Variants in CACNA1E observed in about 807,000 individuals in gnomAD.
CACNA1E encodes the protein calcium voltage-gated channel subunit alpha1 E.
A neutral mutation model predicts 259.2 loss-of-function variants in CACNA1E; 40 were observed. The ratio of observed to expected loss-of-function variants is 0.15; its 90% CI spans 0.12 to 0.20. The LOEUF is 0.20. Ranked by LOEUF, CACNA1E falls within the 10% of genes least tolerant of loss-of-function variation. The pLI, the probability that CACNA1E is intolerant of heterozygous loss-of-function variation, is 1.00. For synonymous variants in CACNA1E, 1,104 were observed against 1,138.5 expected (o/e 0.97, Z 0.61); for missense variants, 1,874 against 3,040.1 (o/e 0.62, Z 9.02).
Position 181,323,473 on chromosome 1 carries a change from G to A in CACNA1E, c.-15+5350G>A, listed in dbSNP as rs74127719. 8.0e-3 allele frequency among the ~76,000 whole-genome samples: 1,219 copies of A among 152,240 alleles called. 20 individuals carry two copies. Among genetic ancestry groups the A allele is most frequent in the African/African-American group, 0.028 (1,165 of 41,536 alleles). ...GGAACTGGAGCCAATGGCCACTTGA[G>A]GCCCCTTCCCATGTTAGGATCATTG... On this transcript the variant is annotated intron_variant, in intron 1 of 11. Coordinates refer to the CACNA1E transcript ENST00000524607.
intron 8 of CACNA1E, among the ~76,000 whole-genome samples, chr1:181,714,667 G>T: frequency 6.6e-6 from 1 of 152,134 alleles, no homozygotes; most frequent in East Asian, 1.9e-4. Flanking sequence ...GCATATGAAA[G>T]ACTGCCAGGA....
At chr1:181,626,480 C>A (rs1223851244) in intron 6 of CACNA1E, among the ~76,000 whole-genome samples, 2 of 152,192 alleles carry the variant, frequency 1.3e-5, no homozygotes, top group Non-Finnish European at 2.9e-5. Context: ...AGTTACTCAG[C>A]CTCTCTCAGG....
At chr1:181,508,210 A>G (rs968283276) in intron 1 of CACNA1E, among the ~76,000 whole-genome samples, 5 of 151,138 alleles carry the variant, frequency 3.3e-5, no homozygotes, top group African/African-American at 9.8e-5. Context: ...AAAAGTATTA[A>G]AGGCCCCAAG....
intron 1 of CACNA1E, among the ~76,000 whole-genome samples, chr1:181,343,059 G>A (rs188708060): frequency 1.3e-5 from 2 of 152,112 alleles, no homozygotes; most frequent in African/African-American, 4.8e-5. Context: ...CACAGGACGT[G>A]CCCACAGATT....
chr1:181,703,639 C>T (rs1652497701), intron 7 of CACNA1E, among the ~76,000 whole-genome samples: 1 of 152,226 alleles, frequency 6.6e-6, no homozygotes, highest in Non-Finnish European at 1.5e-5. Flanking sequence ...ATTCCCTGAG[C>T]TCCTAAAAGA....
At chr1:181,477,599 C>T (rs543784671) in intron 2 of CACNA1E, among the ~76,000 whole-genome samples, 5 of 151,888 alleles carry the variant, frequency 3.3e-5, no homozygotes, top group African/African-American at 1.2e-4. Context: ...TCCTTTTTTC[C>T]TCCATTCCTC....
In CACNA1E at chr1:181,798,732, C is replaced by T. The variant is rs536386497; in HGVS notation, c.6840C>T (p.Asn2280=). ...PPLRHSWQMP[N]GHYRRRRRGG... is the part of the protein sequence containing the mutation. ...TGCGGCATAGCTGGCAGATGCCCAA[C>T]GGGCACTATCGGCGGCGGAGGCGCG... Residue 2280 remains asparagine, a synonymous_variant, in exon 48 of 48, where the codon AAC becomes AAT. Transcript: ENST00000367573. This position sits in a 1 kb window ranked among gnomAD's most constrained non-coding sequence, Gnocchi z 4.2. 24 of 1,607,342 alleles carry T rather than the reference C, an allele frequency of 1.5e-5. No individual in the cohort carries two copies. Among genetic ancestry groups the T allele is most frequent in the Middle Eastern group, 3.3e-4 (2 of 6,050 alleles).
chr1:181,700,091 G>A (rs529553361), intron 7 of CACNA1E, among the ~76,000 whole-genome samples: 1 of 152,280 alleles, frequency 6.6e-6, no homozygotes, highest in Non-Finnish European at 1.5e-5. Flanking sequence ...TTTTAGAAGA[G>A]AGGACCTATG....
intron 1 of CACNA1E, among the ~76,000 whole-genome samples, chr1:181,488,261 T>C (rs946643097): frequency 1.9e-4 from 29 of 152,220 alleles, no homozygotes; most frequent in African/African-American, 7.0e-4. Context: ...CCGGTAAGAA[T>C]TTCAGGTTTG....
At chr1:181,329,640 A>T (rs78423097) in intron 1 of CACNA1E, among the ~76,000 whole-genome samples, 1 of 151,990 alleles carries the variant, frequency 6.6e-6, no homozygotes, top group South Asian at 2.1e-4. Flanking sequence ...TCAGTTCTTG[A>T]TTTAACTGTC....
At position 181,777,199 on chromosome 1, in the gene CACNA1E, A is replaced by G. The variant is rs145359610; in HGVS notation, c.5267+971A>G. 6.2e-3 allele frequency among the ~76,000 whole-genome samples: 946 copies of G among 152,340 alleles called. 5 individuals are homozygous for G. Among genetic ancestry groups the G allele is most frequent in the Non-Finnish European group, 0.01 (687 of 68,026 alleles). On this transcript the variant is annotated intron_variant, in intron 38 of 47. Transcript: ENST00000367573. ...TGGCTGAGGACAAGGTGAGAGTTCT[A>G]TGAATGCTTACTCCAAAGGAACTGT...
chr1:181,723,833 A>G (rs1327146199), intron 16 of CACNA1E, among the ~76,000 whole-genome samples: 1 of 152,214 alleles, frequency 6.6e-6, no homozygotes, highest in Non-Finnish European at 1.5e-5. Context: ...CAGAACATTC[A>G]TATCCTCTCC....
At position 181,751,946 on chromosome 1, in the gene CACNA1E, A is replaced by G. The variant is rs1190816761; in HGVS notation, c.3732-197A>G. 5.8e-6 allele frequency: 4 copies of G among 689,474 alleles called. No individual in the cohort carries two copies. In the African/African-American group the frequency reaches 7.0e-5, roughly 12 times the overall value. 42.7% of individuals were successfully genotyped at this position (689,474 alleles called of 1,614,324 possible). On this transcript the variant is annotated intron_variant, in intron 26 of 47. Coordinates refer to ENST00000367573, the MANE Select transcript of CACNA1E (RefSeq NM_001205293.3). The stretch of plus-strand genomic sequence containing the variant: ...GTGTGTTCATGCGTGCACACTGGGA[A>G]GTGATTTGAGAATATTCCTGAAGCA...
chr1:181,381,846 A>G (rs752790219), intron 1 of CACNA1E, among the ~76,000 whole-genome samples: 5 of 152,240 alleles, frequency 3.3e-5, no homozygotes, highest in Non-Finnish European at 7.3e-5. Context: ...AAGATTGTGA[A>G]TTCTATTTTC....
Position 181,758,990 on chromosome 1 carries a change from G to C in CACNA1E, c.4605+122G>C, listed in dbSNP as rs186457368. 3.2e-6 allele frequency: 2 copies of C among 633,400 alleles called. No individual in the cohort carries two copies. Among genetic ancestry groups the C allele is most frequent in the Non-Finnish European group, 5.7e-6 (2 of 353,018 alleles). 39.2% of individuals were successfully genotyped at this position (633,400 alleles called of 1,614,324 possible). A position where few individuals can be genotyped will look rare whatever the true frequency, so the allele number is the denominator to read the frequency against. On this transcript the variant is annotated intron_variant, in intron 32 of 47. Coordinates refer to ENST00000367573, the MANE Select transcript of CACNA1E (RefSeq NM_001205293.3). This position sits in a 1 kb window ranked among gnomAD's most constrained non-coding sequence, Gnocchi z 4.2. The stretch of plus-strand genomic sequence containing the variant: ...AAATCACCCACCTAGATGTGGGCTC[G>C]TTTTGACTGCTCAGTAAACTGCCGT...
At chr1:181,503,627 C>T (rs1052300513) in intron 1 of CACNA1E, among the ~76,000 whole-genome samples, 3 of 152,196 alleles carry the variant, frequency 2.0e-5, no homozygotes, top group Non-Finnish European at 4.4e-5. Context: ...GATGCTTTCC[C>T]CAAAGTATTG....
intron 7 of CACNA1E, among the ~76,000 whole-genome samples, chr1:181,709,804 A>T (rs993425965): frequency 6.6e-6 from 1 of 152,094 alleles, no homozygotes; most frequent in African/African-American, 2.4e-5. Context: ...GCAGCTCTTT[A>T]TGGGGATCAC....
At chr1:181,524,096 G>A (rs1181950974) in intron 3 of CACNA1E, among the ~76,000 whole-genome samples, 1 of 152,226 alleles carries the variant, frequency 6.6e-6, no homozygotes. Context: ...ACTAGTATGA[G>A]TTAGGTTGCT....
chr1:181,587,067 A>G (rs765338681), intron 6 of CACNA1E, among the ~76,000 whole-genome samples: 18 of 152,148 alleles, frequency 1.2e-4, no homozygotes, highest in Non-Finnish European at 2.6e-4. Flanking sequence ...CTAATCATCC[A>G]TTCATAGTAC....
Sources: gnomAD v4.1 joint callset for allele counts (sites outside exome capture counted in the v4.1 genomes callset) on GRCh38, gnomAD v4.1.1 for gene constraint, Gnocchi (gnomAD v3.1) non-coding constraint, MANE v1.5 for transcripts, NCBI Gene and HGNC (gene_info 2026-07-23, HGNC 2026-07-21) for gene names.